TMEM187: variants seen among roughly 807,000 people sequenced by gnomAD.
TMEM187 encodes the protein chromosome X open reading frame 12.
Under a neutral mutation model 11.8 loss-of-function variants are expected in TMEM187, and 14 were observed. That is an observed-to-expected ratio of 1.18 (90% CI 0.78 to 1.85). The LOEUF is 1.85. Among genes scored for constraint, TMEM187 ranks in the 40% most tolerant of loss-of-function variants. The probability of loss-of-function intolerance (pLI) is 0.00; values close to 1 mark genes in which losing one functional copy is unlikely to be tolerated. For missense variants in TMEM187, 227 were observed against 243.9 expected (o/e 0.93, Z 0.46); for synonymous variants, 112 against 118.5 (o/e 0.95, Z 0.36).
At chrX:153,978,927 C>T (rs1381448731) in intron 1 of TMEM187, among the ~76,000 whole-genome samples, 21 of 111,222 alleles carry the variant, frequency 1.9e-4, no homozygotes, top group Non-Finnish European at 1.9e-5. Flanking sequence ...GCTGGGATTA[C>T]AGGCGTGCGC....
rs781821190 is a variant in TMEM187 at position 153,982,495 on chromosome X, CT to C, written c.435del (p.Glu146SerfsTer49). On this transcript the variant is annotated frameshift_variant, in exon 2 of 2. Coordinates refer to ENST00000369982, the MANE Select transcript of TMEM187 (RefSeq NM_003492.3). LOFTEE classifies it high-confidence loss of function. ...CTGGCGGCCCTGGCTGTTCCTCTCT[CT>C]TGAGTGCGTCTCCCTGGCCAGTTAT... ...RGWRPWLFLS[L>X]ECVSLASYGL... 2.2e-4 allele frequency: 266 copies of C among 1,204,184 alleles called. No homozygotes were observed. Among genetic ancestry groups the C allele is most frequent in the Non-Finnish European group, 2.9e-4 (256 of 894,708 alleles).
intron 1 of TMEM187, among the ~76,000 whole-genome samples, chrX:153,974,798 A>C (rs1202606005): frequency 4.5e-5 from 5 of 112,283 alleles, no homozygotes. Flanking sequence ...ACCATGCTTC[A>C]GAGGGCAATG....
rs782249187 is a variant in TMEM187, at chrX:153,982,640, A to G, written c.578A>G (p.Tyr193Cys). 10 of 1,211,081 alleles carry G rather than the reference A, an allele frequency of 8.3e-6. No homozygotes were observed. The African/African-American group carries it at 1.0e-4, about 13-fold the overall frequency. ...TATGGCAGCACCACCTCGGCTACCT[A>G]CTTAGCTTTGGGGGTGCTCTCTTGC... ...RHYGSTTSAT[Y>C]LALGVLSCLG... Residue 193 changes from tyrosine (Y) to cysteine (C), a missense_variant, in exon 2 of 2, where the codon TAC becomes TGC. Tyr to Cys is a radical substitution (Grantham distance 194, BLOSUM62 -2). Coordinates refer to ENST00000369982, the MANE Select transcript of TMEM187 (RefSeq NM_003492.3).
chrX:153,976,847 G>A (rs1237349511), intron 1 of TMEM187, among the ~76,000 whole-genome samples: 5 of 112,693 alleles, frequency 4.4e-5, no homozygotes, highest in Non-Finnish European at 9.4e-5. Flanking sequence ...GAGACAGAAC[G>A]AGACCCTGTC....
chrX:153,983,065 A>G lies in TMEM187; in HGVS notation c.*217A>G. The G allele has an allele frequency of 3.1e-6, 2 of 650,363 alleles. No individual in the cohort carries two copies. The highest frequency in any genetic ancestry group is 4.7e-6 in the Non-Finnish European group (2 of 425,280). The allele number at this position is 650,363 out of a possible 1,213,427, so 53.6% of individuals were successfully genotyped here. ...AAAGACATAAAGCACAGATCTCCGCACAGGGGATGTGTGTGTTCCTGATGT... is the reference window on the plus strand; with the variant it reads ...AAAGACATAAAGCACAGATCTCCGCGCAGGGGATGTGTGTGTTCCTGATGT... On this transcript the variant is annotated 3_prime_UTR_variant, in exon 2 of 2. Transcript: ENST00000369982.
chrX:153,976,693 C>T (rs1283406509), intron 1 of TMEM187, among the ~76,000 whole-genome samples: 2 of 112,273 alleles, frequency 1.8e-5, no homozygotes, highest in African/African-American at 6.5e-5. Context: ...AAGACCCTGT[C>T]TTTCAAAAAA....
intron 1 of TMEM187, among the ~76,000 whole-genome samples, chrX:153,974,096 C>T (rs1449797888): frequency 3.6e-5 from 4 of 112,046 alleles, no homozygotes; most frequent in Non-Finnish European, 5.6e-5. Flanking sequence ...GTAACCAGCT[C>T]GGTTTTCCTG....
chrX:153,978,825 C>T lies in TMEM187; in HGVS notation c.-213-3025C>T, dbSNP rs1440279981. Among the ~76,000 whole-genome samples the T allele has an allele frequency of 1.1e-3, 120 of 106,544 alleles. 1 individual carries two copies. Among genetic ancestry groups the T allele is most frequent in the Admixed American group, 4.3e-3 (42 of 9,877 alleles). The allele number at this position is 106,544 out of a possible 115,157, so 92.5% of individuals were successfully genotyped here. On this transcript the variant is annotated intron_variant, in intron 1 of 1. Transcript: ENST00000369982. ...TTTCTGAGATGAAGTCTCACTCTGCCGCCCAGGCTGGAGTGCAATGGCACG... is the reference window on the plus strand; with the variant it reads ...TTTCTGAGATGAAGTCTCACTCTGCTGCCCAGGCTGGAGTGCAATGGCACG...
intron 1 of TMEM187, among the ~76,000 whole-genome samples, chrX:153,978,795 T>C (rs1440099014): frequency 5.8e-5 from 6 of 103,052 alleles, no homozygotes; most frequent in Non-Finnish European, 9.7e-5. Context: ...TTGTTTTGTT[T>C]TGTTTTTCTG....
chrX:153,976,165 G>A, intron 1 of TMEM187, among the ~76,000 whole-genome samples: 1 of 111,924 alleles, frequency 8.9e-6, no homozygotes, highest in Non-Finnish European at 1.9e-5. Context: ...AGCAATCTAA[G>A]TGTCCACCAG....
chrX:153,979,730 T>A (rs904074644), intron 1 of TMEM187, among the ~76,000 whole-genome samples: 2 of 58,364 alleles, frequency 3.4e-5, no homozygotes, highest in Non-Finnish European at 3.0e-5. Flanking sequence ...ACCCTGTCTC[T>A]ACAATTTTTT....
At chrX:153,981,454 C>T (rs139007269) in intron 1 of TMEM187, among the ~76,000 whole-genome samples, 182 of 111,944 alleles carry the variant, frequency 1.6e-3, no homozygotes, top group African/African-American at 5.6e-3. Flanking sequence ...CCATCCCCCA[C>T]CTTGTGTCAG....
chrX:153,982,094 A>ACGTGGC lies in TMEM187; in HGVS notation c.41_46dup (p.Val14_Ala15dup), dbSNP rs781986712. The stretch of plus-strand genomic sequence containing the variant: ...CCAGAGTGGGGGCAGGCCTTCGTGC[A>ACGTGGC]CGTGGCCGTGGCCGGTGGCCTCTGT... On this transcript the variant is annotated inframe_insertion, in exon 2 of 2. Coordinates refer to ENST00000369982, the MANE Select transcript of TMEM187 (RefSeq NM_003492.3). 231 of 1,211,746 alleles carry ACGTGGC rather than the reference A, an allele frequency of 1.9e-4. No homozygotes were observed. Among genetic ancestry groups the ACGTGGC allele is most frequent in the Middle Eastern group, 4.6e-4 (2 of 4,377 alleles).
Position 153,982,851 on chromosome X carries a change from C to T in TMEM187, c.*3C>T, listed in dbSNP as rs1569547278. 5 of 1,212,009 alleles carry T rather than the reference C, an allele frequency of 4.1e-6. No homozygotes were observed. Among genetic ancestry groups the T allele is most frequent in the Non-Finnish European group, 4.5e-6 (4 of 895,601 alleles). ...CCTCTGGCGGGAAGACGCGTTGAACCCAGGGAAGAACCTGCTGAAAACCGA... is the reference window on the plus strand; with the variant it reads ...CCTCTGGCGGGAAGACGCGTTGAACTCAGGGAAGAACCTGCTGAAAACCGA... On this transcript the variant is annotated 3_prime_UTR_variant, in exon 2 of 2. Coordinates refer to ENST00000369982, the MANE Select transcript of TMEM187 (RefSeq NM_003492.3).
In TMEM187 at chrX:153,972,787, T is replaced by G. The variant is rs1342930801; in HGVS notation, c.-287T>G. On this transcript the variant is annotated 5_prime_UTR_variant, in exon 1 of 2. Transcript: ENST00000369982. ...TGCTCGGATCCTCCCTTTTCGGAGA[T>G]TTGAATTTCCCCCAGCGAGGCGAGT... is the stretch of plus-strand genomic sequence containing the variant. 3 of 111,373 alleles carry G rather than the reference T, an allele frequency of 2.7e-5. No individual in the cohort carries two copies. The highest frequency in any genetic ancestry group is 3.5e-4 in the South Asian group (1 of 2,893). The allele number at this position is 111,373 out of a possible 1,213,427, so 9.2% of individuals were successfully genotyped here. A position where few individuals can be genotyped will look rare whatever the true frequency, so the allele number is the denominator to read the frequency against.
chrX:153,979,983 C>T (rs951676832), intron 1 of TMEM187, among the ~76,000 whole-genome samples: 2 of 109,444 alleles, frequency 1.8e-5, no homozygotes, highest in Non-Finnish European at 3.8e-5. Context: ...GTGATCCACC[C>T]GCCTTGGCCT....
In TMEM187 at chrX:153,982,548, C is replaced by T; in HGVS notation, c.486C>T (p.Gly162=). 8.3e-7 allele frequency: 1 copy of T among 1,208,264 alleles called. No individual in the cohort carries two copies. The highest frequency in any genetic ancestry group is 1.1e-6 in the Non-Finnish European group (1 of 895,283). Residue 162 remains glycine, a synonymous_variant, in exon 2 of 2, where the codon GGC becomes GGT. Coordinates refer to ENST00000369982, the MANE Select transcript of TMEM187 (RefSeq NM_003492.3). ...SYGLALLHPQ[G]FEVALGAHVV... is the part of the protein sequence containing the mutation. ...GCCTCGCTCTGCTGCATCCCCAGGG[C>T]TTCGAGGTCGCACTGGGTGCTCACG...
chrX:153,980,041 A>AT (rs781955812), intron 1 of TMEM187, among the ~76,000 whole-genome samples: 18 of 108,725 alleles, frequency 1.7e-4, no homozygotes, highest in Non-Finnish European at 2.7e-4. Context: ...CTGGCCCAAA[A>AT]TTTTTTTAAC....
Position 153,981,876 on chromosome X carries a change from G to C in TMEM187, c.-187G>C. On this transcript the variant is annotated 5_prime_UTR_variant, in exon 2 of 2. Coordinates refer to ENST00000369982, the MANE Select transcript of TMEM187 (RefSeq NM_003492.3). ...AAAAAGGCAGAACGTTCCTCCGCTGGCGCCAGCCAATCAGCAGGACTCCTG... is the reference window on the plus strand; with the variant it reads ...AAAAAGGCAGAACGTTCCTCCGCTGCCGCCAGCCAATCAGCAGGACTCCTG... 1 of 758,548 alleles carries C rather than the reference G, an allele frequency of 1.3e-6. No individual in the cohort carries two copies. Among genetic ancestry groups the C allele is most frequent in the Non-Finnish European group, 1.9e-6 (1 of 526,235 alleles). 62.5% of individuals were successfully genotyped at this position (758,548 alleles called of 1,213,427 possible).
Sources: gnomAD v4.1 joint callset for allele counts (sites outside exome capture counted in the v4.1 genomes callset) on GRCh38, gnomAD v4.1.1 for gene constraint, MANE v1.5 for transcripts, NCBI Gene and HGNC (gene_info 2026-07-23, HGNC 2026-07-21) for gene names.